PRDM15: variants seen among roughly 807,000 people sequenced by gnomAD.
The protein encoded by PRDM15 is PR domain zinc finger protein 15.
Under a neutral mutation model 128.6 loss-of-function variants are expected in PRDM15, and 64 were observed. That is an observed-to-expected ratio of 0.50 (90% CI 0.41 to 0.61). The LOEUF is 0.61. PRDM15 is among the 20% of genes least tolerant of loss of function. The probability of loss-of-function intolerance (pLI) is 0.00; values close to 1 mark genes in which losing one functional copy is unlikely to be tolerated. For synonymous variants in PRDM15, 615 were observed against 621.8 expected (o/e 0.99, Z 0.16); for missense variants, 1,242 against 1,569.1 (o/e 0.79, Z 3.52).
intron 16 of PRDM15, among the ~76,000 whole-genome samples, chr21:41,820,541 C>T (rs573940214): frequency 5.3e-5 from 8 of 152,320 alleles, no homozygotes; most frequent in East Asian, 3.9e-4. Flanking sequence ...AGGGAGAAGA[C>T]GGCATTTAAG....
intron 21 of PRDM15, among the ~76,000 whole-genome samples, chr21:41,807,130 C>T (rs1019288522): frequency 1.3e-4 from 20 of 152,234 alleles, no homozygotes; most frequent in African/African-American, 4.8e-4. Flanking sequence ...GTCACACAGT[C>T]TGAAAGCTGA....
chr21:41,837,348 GGCATAT>G, intron 8 of PRDM15, among the ~76,000 whole-genome samples: 1 of 152,288 alleles, frequency 6.6e-6, no homozygotes, highest in South Asian at 2.1e-4. Flanking sequence ...CAAAATATGG[GGCATAT>G]GCATGATGGT....
intron 11 of PRDM15, among the ~76,000 whole-genome samples, chr21:41,831,117 G>A (rs1055276245): frequency 2.0e-5 from 3 of 152,254 alleles, no homozygotes; most frequent in African/African-American, 7.2e-5. Context: ...TCTCACCCAT[G>A]GACCAGCTCC....
At chr21:41,868,308 T>C (rs570931727) in intron 1 of PRDM15, among the ~76,000 whole-genome samples, 91 of 152,278 alleles carry the variant, frequency 6.0e-4, no homozygotes, top group African/African-American at 2.1e-3. Flanking sequence ...CGTGTACAGG[T>C]TTTTTTGTAC....
At chr21:41,818,242 G>A (rs1192530960) in intron 18 of PRDM15, among the ~76,000 whole-genome samples, 1 of 152,220 alleles carries the variant, frequency 6.6e-6, no homozygotes, top group Non-Finnish European at 1.5e-5. Flanking sequence ...AGCCTGTCCC[G>A]CTAAGGCAGG....
Position 41,799,646 on chromosome 21 carries a change from G to A in PRDM15, c.*1594C>T, listed in dbSNP as rs1250577653. ...TCAAAAGTCTGCTGTTTGGAGTGAA[G>A]TGCTGAGAAAGTTGCGTTTTGAAAA... On this transcript the variant is annotated 3_prime_UTR_variant, in exon 24 of 24. Transcript: ENST00000398548. The A allele has an allele frequency of 1.3e-5, 2 of 152,268 alleles. No individual in the cohort carries two copies. Among genetic ancestry groups the A allele is most frequent in the African/African-American group, 4.8e-5 (2 of 41,424 alleles). The allele number at this position is 152,268 out of a possible 1,614,324, so 9.4% of individuals were successfully genotyped here. A position where few individuals can be genotyped will look rare whatever the true frequency, so the allele number is the denominator to read the frequency against.
At chr21:41,835,994 C>T (rs113924224) in intron 10 of PRDM15, 119 bp downstream of exon 10, 2 of 308,814 alleles carry the variant, frequency 6.5e-6, no homozygotes, top group African/African-American at 3.9e-5. Context: ...TCCCCCACAG[C>T]CCCCGCCCAC....
intron 1 of PRDM15, chr21:41,871,380 C>T: frequency 1.8e-6 from 1 of 563,224 alleles, no homozygotes; most frequent in Non-Finnish European, 2.4e-6. Flanking sequence ...TCTGCCTCTG[C>T]CTGGGGTCAC....
At chr21:41,872,590 T>C (rs2064251933) in intron 1 of PRDM15, among the ~76,000 whole-genome samples, 1 of 152,244 alleles carries the variant, frequency 6.6e-6, no homozygotes, top group South Asian at 2.1e-4. Flanking sequence ...AACTGATGCT[T>C]CTAATGGATA....
intron 5 of PRDM15, among the ~76,000 whole-genome samples, chr21:41,847,419 GCA>G (rs2063300779): frequency 6.6e-6 from 1 of 152,188 alleles, no homozygotes; most frequent in Non-Finnish European, 1.5e-5. Context: ...AGGCAACTGA[GCA>G]CAGAGACACG....
intron 1 of PRDM15, among the ~76,000 whole-genome samples, chr21:41,878,034 TG>T (rs1490736187): frequency 1.3e-5 from 2 of 152,250 alleles, no homozygotes; most frequent in Non-Finnish European, 2.9e-5. Context: ...AATACGGTAG[TG>T]GTGTGTGCAC....
rs761481809 is a variant in PRDM15, at chr21:41,854,810, C to T, written c.294G>A (p.Gln98=). 6.3e-7 allele frequency: 1 copy of T among 1,599,618 alleles called. No individual in the cohort carries two copies. Among genetic ancestry groups the T allele is most frequent in the South Asian group, 1.1e-5 (1 of 90,550 alleles). Residue 98 remains glutamine, a synonymous_variant, in exon 5 of 24, where the codon CAG becomes CAA. Transcript: ENST00000398548. The surrounding 1 kb of genome is among the most constrained non-coding windows in gnomAD (Gnocchi z 4.6). ...CGAAGCACACGGGGTGCCCGTCCTT[C>T]TGGAACACCTGAAGGTGAGTCGGCC... ...KESAFPLKVF[Q]KDGHPVCFDT...
In PRDM15 at chr21:41,859,633, T is replaced by C; in HGVS notation, c.90A>G (p.Pro30=). The part of the protein sequence containing the change: ...YHDSECPELG[P]VVMVKDSFVL... ...CAAAGGAGTCTTTGACCATGACCACTGGGCCCAGCTCGGGACATTCGGAGT... is the reference window on the plus strand; with the variant it reads ...CAAAGGAGTCTTTGACCATGACCACCGGGCCCAGCTCGGGACATTCGGAGT... The change falls in exon 3 of 24, where the codon CCA becomes CCG. Residue 30 remains proline (P), a synonymous_variant. Coordinates refer to ENST00000398548, the MANE Select transcript of PRDM15 (RefSeq NM_001040424.3). This position sits in a 1 kb window ranked among gnomAD's most constrained non-coding sequence, Gnocchi z 5.3. 6.2e-7 allele frequency: 1 copy of C among 1,614,004 alleles called. No individual in the cohort carries two copies. The highest frequency in any genetic ancestry group is 1.3e-5 in the African/African-American group (1 of 74,984).
At chr21:41,864,964 CCCAAGGCTGGCCCT>C (rs2063950665) in intron 1 of PRDM15, among the ~76,000 whole-genome samples, 1 of 151,140 alleles carries the variant, frequency 6.6e-6, no homozygotes, top group Non-Finnish European at 1.5e-5. Context: ...ATGCTCGCCC[CCCAAGGCTGGCCCT>C]CTCCCCAGCC....
intron 6 of PRDM15, among the ~76,000 whole-genome samples, chr21:41,844,837 T>C (rs1007063840): frequency 0.016 from 8 of 510 alleles, no homozygotes; most frequent in African/African-American, 0.02. Flanking sequence ...ACACAGCCCC[T>C]CCCCCCTCAC....
chr21:41,874,530 T>A (rs1462451254), intron 1 of PRDM15, among the ~76,000 whole-genome samples: 3 of 144,510 alleles, frequency 2.1e-5, no homozygotes, highest in Non-Finnish European at 4.6e-5. Flanking sequence ...TATATATTTT[T>A]TTTTTTTTTT....
intron 13 of PRDM15, among the ~76,000 whole-genome samples, chr21:41,824,741 T>C (rs2062407750): frequency 1.3e-5 from 2 of 152,198 alleles, no homozygotes; most frequent in African/African-American, 4.8e-5. Flanking sequence ...CAGCCCACAG[T>C]CCGGAGCCTC....
chr21:41,878,885 C>T (rs1857833560), intron 1 of PRDM15: 1 of 957,360 alleles, frequency 1.0e-6, no homozygotes, highest in South Asian at 4.8e-5. Context: ...CGGGCGAGCG[C>T]GGCCCGGCAG....
At chr21:41,855,549 G>C (rs1298782807) in intron 4 of PRDM15, among the ~76,000 whole-genome samples, 1 of 152,168 alleles carries the variant, frequency 6.6e-6, no homozygotes, top group African/African-American at 2.4e-5. Context: ...GAGAGGCAGG[G>C]GTGGGGGACC....
Sources: gnomAD v4.1 joint callset for allele counts (sites outside exome capture counted in the v4.1 genomes callset) on GRCh38, gnomAD v4.1.1 for gene constraint, Gnocchi (gnomAD v3.1) non-coding constraint, MANE v1.5 for transcripts, NCBI Gene and HGNC (gene_info 2026-07-23, HGNC 2026-07-21) for gene names.